Variants in SETD2 observed in about 807,000 individuals in gnomAD.
SETD2 encodes SET domain containing 2, histone lysine methyltransferase, also known as histone-lysine N-methyltransferase SETD2.
SETD2 carries 31 observed loss-of-function variants against 242.1 expected under a neutral mutation model. The ratio of observed to expected loss-of-function variants is 0.13; its 90% confidence interval spans 0.10 to 0.17. The LOEUF (loss-of-function observed/expected upper bound fraction) is 0.17, where lower values mean the gene tolerates loss of function less well. Among genes scored for constraint, SETD2 ranks in the 10% least tolerant of loss-of-function variants. The pLI is 1.00. For missense variants in SETD2, 2,481 were observed against 3,046.3 expected, an observed-to-expected ratio of 0.81 and a Z score of 4.37; for synonymous variants, 1,006 against 1,066.5, an observed-to-expected ratio of 0.94 and a Z score of 1.11.
intron 12 of SETD2, among the ~76,000 whole-genome samples, chr3:47,083,323 TTA>T (rs1367912421): frequency 6.6e-6 from 1 of 152,230 alleles, no homozygotes; most frequent in African/African-American, 2.4e-5. Context: ...AGCTGCTAAA[TTA>T]TCTTAGTTTT....
In SETD2 at chr3:47,084,104, T is replaced by G. The variant is rs1347599926; in HGVS notation, c.5676A>C (p.Ala1892=). ...KIISENSMDS[A]ISDATSELEG... Reference sequence around the variant, plus strand: ...CTAGCTCACTGGTTGCATCAGAGATTGCACTGTCCATGCTATTTTCACTTA... The same window carrying G: ...CTAGCTCACTGGTTGCATCAGAGATGGCACTGTCCATGCTATTTTCACTTA... The change falls in exon 12 of 21, where the codon GCA becomes GCC. Residue 1892 remains alanine (A), a synonymous_variant. Coordinates refer to ENST00000409792, the MANE Select transcript of SETD2 (RefSeq NM_014159.7). The G allele has an allele frequency of 2.5e-6, 4 of 1,614,108 alleles. No homozygotes were observed. The highest frequency in any genetic ancestry group is 3.4e-6 in the Non-Finnish European group (4 of 1,180,038).
chr3:47,091,384 T>G (rs563405737), intron 9 of SETD2, among the ~76,000 whole-genome samples: 60 of 152,282 alleles, frequency 3.9e-4, no homozygotes, highest in African/African-American at 1.4e-3. Flanking sequence ...TCCCAGCACT[T>G]GAGAGGCCAA....
intron 12 of SETD2, among the ~76,000 whole-genome samples, chr3:47,074,010 G>T (rs749185747): frequency 6.6e-6 from 1 of 152,162 alleles, no homozygotes; most frequent in Non-Finnish European, 1.5e-5. Context: ...ATATTCCTAC[G>T]TGTGAATGTG....
chr3:47,072,896 G>A (rs1285300577), intron 12 of SETD2, among the ~76,000 whole-genome samples: 1 of 149,200 alleles, frequency 6.7e-6, no homozygotes, highest in African/African-American at 2.5e-5. Flanking sequence ...GCAGTGAGCC[G>A]AGATCTTGCC....
chr3:47,089,926 T>C (rs1393405675), intron 9 of SETD2, among the ~76,000 whole-genome samples: 1 of 152,082 alleles, frequency 6.6e-6, no homozygotes, highest in Non-Finnish European at 1.5e-5. Flanking sequence ...AGGTAAGGCA[T>C]GGTGACGGAC....
chr3:47,107,737 G>C (rs1005705734), intron 5 of SETD2, among the ~76,000 whole-genome samples: 9 of 118,284 alleles, frequency 7.6e-5, no homozygotes, highest in East Asian at 2.6e-4. Context: ...GGGTGGGGGG[G>C]GGGTGGCAGG....
intron 9 of SETD2, among the ~76,000 whole-genome samples, chr3:47,097,457 G>A (rs998928295): frequency 1.3e-5 from 2 of 152,174 alleles, no homozygotes; most frequent in Admixed American, 6.5e-5. Flanking sequence ...AGGCAAGACA[G>A]GGTACAAAAT....
chr3:47,135,688 C>T (rs538182864), intron 1 of SETD2, among the ~76,000 whole-genome samples: 10 of 152,324 alleles, frequency 6.6e-5, no homozygotes, highest in Non-Finnish European at 1.2e-4. Flanking sequence ...TGTTCCCTTA[C>T]TCTCCTAGAT....
At position 47,122,939 on chromosome 3, in the gene SETD2, G is replaced by C. The variant is rs2043162382; in HGVS notation, c.1697C>G (p.Ser566Cys). 6 of 1,612,436 alleles carry C rather than the reference G, an allele frequency of 3.7e-6. No individual in the cohort carries two copies. Among genetic ancestry groups the C allele is most frequent in the Middle Eastern group, 1.7e-4 (1 of 6,042 alleles). The change falls in exon 3 of 21, where the codon TCT becomes TGT. Residue 566 changes from serine (S) to cysteine (C), a missense_variant. Ser to Cys is a moderately radical substitution (Grantham distance 112, BLOSUM62 -1). Coordinates refer to ENST00000409792, the MANE Select transcript of SETD2 (RefSeq NM_014159.7). The stretch of plus-strand genomic sequence containing the variant: ...ACAGAAAGAATTTTTAAATTTATCA[G>C]ACTTGGGTATAGGTTTTGAAAGGGT... ...KSTLSKPIPK[S>C]DKFKNSFCCT...
chr3:47,136,794 A>T (rs2043598435), intron 1 of SETD2, among the ~76,000 whole-genome samples: 1 of 152,120 alleles, frequency 6.6e-6, no homozygotes, highest in Admixed American at 6.5e-5. Context: ...TCTCTACCAA[A>T]AATACAAAAA....
intron 9 of SETD2, among the ~76,000 whole-genome samples, chr3:47,090,934 T>A (rs1459790371): frequency 6.6e-6 from 1 of 152,224 alleles, no homozygotes; most frequent in Admixed American, 6.5e-5. Context: ...TGAACATTTT[T>A]ATTTCATATT....
intron 1 of SETD2, among the ~76,000 whole-genome samples, chr3:47,136,138 A>G (rs1028286088): frequency 2.6e-5 from 4 of 152,154 alleles, no homozygotes; most frequent in African/African-American, 9.7e-5. Flanking sequence ...TCCTCCCCCA[A>G]GTCGTTCCTA....
At chr3:47,145,845 T>C (rs2043837883) in intron 1 of SETD2, among the ~76,000 whole-genome samples, 3 of 151,594 alleles carry the variant, frequency 2.0e-5, no homozygotes, top group Admixed American at 2.0e-4. Flanking sequence ...AGCGAGGCTC[T>C]GTCTCTACAA....
At chr3:47,163,700 G>A (rs1697576659) in intron 1 of SETD2, 154 bp downstream of exon 1, 1 of 603,182 alleles carries the variant, frequency 1.7e-6, no homozygotes, top group Non-Finnish European at 2.4e-6. Context: ...GCTCGAAGTG[G>A]CGGCGCGGGC....
intron 5 of SETD2, among the ~76,000 whole-genome samples, chr3:47,109,478 T>C (rs1442445840): frequency 1.3e-5 from 2 of 152,060 alleles, no homozygotes; most frequent in Non-Finnish European, 2.9e-5. Context: ...AAACCCTGTC[T>C]CTACTAAAAA....
chr3:47,022,711 T>G (rs777016540), intron 18 of SETD2, among the ~76,000 whole-genome samples: 7 of 152,324 alleles, frequency 4.6e-5, no homozygotes, highest in Admixed American at 1.3e-4. Flanking sequence ...CACAATGAAA[T>G]GAGCAGGCAA....
At chr3:47,136,951 C>CT (rs2043601851) in intron 1 of SETD2, among the ~76,000 whole-genome samples, 1 of 151,760 alleles carries the variant, frequency 6.6e-6, no homozygotes, top group Non-Finnish European at 1.5e-5. Flanking sequence ...AAGAATCCAT[C>CT]TAAAAAAAAG....
At chr3:47,113,419 A>G (rs746452716) in intron 5 of SETD2, among the ~76,000 whole-genome samples, 1 of 152,242 alleles carries the variant, frequency 6.6e-6, no homozygotes, top group Non-Finnish European at 1.5e-5. Flanking sequence ...CCAAAAAAGA[A>G]AAAAAGATTT....
At chr3:47,128,681 C>G (rs1233065033) in intron 1 of SETD2, among the ~76,000 whole-genome samples, 1 of 152,134 alleles carries the variant, frequency 6.6e-6, no homozygotes, top group African/African-American at 2.4e-5. Context: ...CCACTAAAAA[C>G]CTCATAAATG....
Sources: allele counts gnomAD v4.1 joint callset (sites outside exome capture counted in the v4.1 genomes callset), GRCh38; gene constraint gnomAD v4.1.1; transcripts MANE v1.5; gene names NCBI Gene and HGNC (gene_info 2026-07-23, HGNC 2026-07-21).